Variants in JAK2 observed in about 807,000 individuals in gnomAD.
The protein encoded by JAK2 is tyrosine-protein kinase JAK2.
In JAK2, 86 loss-of-function variants were observed where a neutral mutation model predicts 139.3. The observed-to-expected ratio is 0.62, with a 90% CI of 0.52 to 0.74. The LOEUF is 0.74. JAK2 is among the 30% of genes least tolerant of loss of function. The pLI is 0.00. For missense variants in JAK2, 1,421 were observed against 1,360.3 expected (o/e 1.04, Z -0.70); for synonymous variants, 490 against 437.7 (o/e 1.12, Z -1.49).
At chr9:5,079,898 G>T (rs1301725780) in intron 16 of JAK2, among the ~76,000 whole-genome samples, 1 of 152,132 alleles carries the variant, frequency 6.6e-6, no homozygotes, top group East Asian at 1.9e-4. Flanking sequence ...AGACACTATG[G>T]TTTAATGGAA....
intron 16 of JAK2, among the ~76,000 whole-genome samples, chr9:5,078,985 A>G (rs1819494047): frequency 6.6e-6 from 1 of 152,208 alleles, no homozygotes; most frequent in Admixed American, 6.5e-5. Flanking sequence ...CTAGATAATT[A>G]TAACTGAATT....
chr9:5,043,065 T>C (rs1816730841), intron 4 of JAK2, among the ~76,000 whole-genome samples: 1 of 152,204 alleles, frequency 6.6e-6, no homozygotes, highest in East Asian at 1.9e-4. Flanking sequence ...TGGCTTCCTG[T>C]CTCTGTGCTC....
intron 7 of JAK2, 60 bp from the exon 8 acceptor site, chr9:5,055,609 T>C (rs965467600): frequency 7.6e-6 from 10 of 1,320,406 alleles, no homozygotes; most frequent in Non-Finnish European, 1.1e-5. Context: ...TCTTAAGTCT[T>C]GTTTTAAAAT....
intron 19 of JAK2, chr9:5,085,774 T>G (rs976625337): frequency 1.6e-5 from 12 of 754,170 alleles, no homozygotes; most frequent in Middle Eastern, 2.3e-4. Flanking sequence ...CGGGAGTTAT[T>G]ATGATGAATA....
intron 2 of JAK2, among the ~76,000 whole-genome samples, chr9:4,994,542 A>T (rs1587798126): frequency 6.6e-6 from 1 of 152,212 alleles, no homozygotes; most frequent in African/African-American, 2.4e-5. Context: ...TTTTCTATTA[A>T]GGATCATAAA....
chr9:5,089,052 G>T (rs1379843157), intron 19 of JAK2, among the ~76,000 whole-genome samples: 1 of 152,206 alleles, frequency 6.6e-6, no homozygotes, highest in East Asian at 1.9e-4. Flanking sequence ...AGTGACAAAA[G>T]TTTAGGAATC....
intron 2 of JAK2, among the ~76,000 whole-genome samples, chr9:4,989,828 A>G (rs1357080691): frequency 1.3e-5 from 2 of 152,206 alleles, no homozygotes; most frequent in African/African-American, 2.4e-5. Context: ...TGTGTGAAAG[A>G]GTAGTAAGAA....
At chr9:5,065,237 A>G (rs1033459949) in intron 9 of JAK2, among the ~76,000 whole-genome samples, 197 bp downstream of exon 9, 1 of 152,232 alleles carries the variant, frequency 6.6e-6, no homozygotes, top group Non-Finnish European at 1.5e-5. Flanking sequence ...ATCCCAATCT[A>G]TAATATTTAT....
chr9:5,032,227 G>C (rs1382837052), intron 4 of JAK2, among the ~76,000 whole-genome samples: 1 of 152,238 alleles, frequency 6.6e-6, no homozygotes, highest in Non-Finnish European at 1.5e-5. Flanking sequence ...GCCGAGGGTT[G>C]AGTAGGTAAA....
At chr9:5,125,737 T>C (rs1823944309) in intron 23 of JAK2, among the ~76,000 whole-genome samples, 1 of 151,578 alleles carries the variant, frequency 6.6e-6, no homozygotes, top group Non-Finnish European at 1.5e-5. Flanking sequence ...CTTTTCTTAA[T>C]GTGGTTGACT....
At chr9:5,119,619 G>T (rs1823463748) in intron 22 of JAK2, among the ~76,000 whole-genome samples, 1 of 152,000 alleles carries the variant, frequency 6.6e-6, no homozygotes, top group Non-Finnish European at 1.5e-5. Context: ...GTAAAATATG[G>T]CTAAGATTAT....
Position 5,126,429 on chromosome 9 carries a change from G to C in JAK2, c.3274G>C (p.Asp1092His). 2 of 1,607,138 alleles carry C rather than the reference G, an allele frequency of 1.2e-6. No individual in the cohort carries two copies. The highest frequency in any genetic ancestry group is 1.7e-6 in the Non-Finnish European group (2 of 1,174,978). Reference protein sequence around the residue: ...LKNNGRLPRPDGCPDEIYMIM... With the variant: ...LKNNGRLPRPHGCPDEIYMIM... ...GAATAATGGAAGATTACCAAGACCAGATGGATGCCCAGATGAGGTAACAAT... is the reference window on the plus strand; with the variant it reads ...GAATAATGGAAGATTACCAAGACCACATGGATGCCCAGATGAGGTAACAAT... Residue 1092 changes from aspartate to histidine, a missense_variant, in exon 24 of 25, where the codon GAT (aspartate) becomes CAT (histidine). Transcript: ENST00000381652.
chr9:5,071,166 T>C (rs1818928288), intron 12 of JAK2, among the ~76,000 whole-genome samples: 2 of 152,160 alleles, frequency 1.3e-5, no homozygotes, highest in African/African-American at 4.8e-5. Context: ...TCTCCTAATA[T>C]TGTGTGGTGC....
intron 22 of JAK2, among the ~76,000 whole-genome samples, chr9:5,122,186 T>C (rs1254826295): frequency 6.6e-6 from 1 of 152,160 alleles, no homozygotes; most frequent in Admixed American, 6.5e-5. Context: ...ACATTTTTAA[T>C]ATCAGTCTAA....
intron 22 of JAK2, chr9:5,111,340 AG>A: frequency 2.4e-6 from 1 of 424,508 alleles, no homozygotes; most frequent in African/African-American, 2.1e-5. Flanking sequence ...TCAGGCATGA[AG>A]GGGACCTCCC....
At chr9:5,062,369 T>C (rs1430213701) in intron 8 of JAK2, among the ~76,000 whole-genome samples, 2 of 151,804 alleles carry the variant, frequency 1.3e-5, no homozygotes, top group Non-Finnish European at 2.9e-5. Context: ...ACAGGTATAA[T>C]AGTAATAAAG....
chr9:5,073,037 C>T (rs904466882), intron 13 of JAK2, among the ~76,000 whole-genome samples: 36 of 152,246 alleles, frequency 2.4e-4, no homozygotes, highest in African/African-American at 8.7e-4. Context: ...GGGCATCATC[C>T]AGAGATGCTA....
At chr9:5,048,483 G>T (rs949384448) in intron 5 of JAK2, among the ~76,000 whole-genome samples, 28 of 152,192 alleles carry the variant, frequency 1.8e-4, no homozygotes, top group Admixed American at 1.6e-3. Flanking sequence ...CTATTAAAAA[G>T]AATCTACCAA....
intron 2 of JAK2, among the ~76,000 whole-genome samples, chr9:5,008,302 CAT>C (rs1166554331): frequency 2.0e-5 from 3 of 152,238 alleles, no homozygotes; most frequent in East Asian, 3.9e-4. Flanking sequence ...TATGGCCTAA[CAT>C]GTGGTCTACT....
Sources: allele counts gnomAD v4.1 joint callset (sites outside exome capture counted in the v4.1 genomes callset), GRCh38; gene constraint gnomAD v4.1.1; transcripts MANE v1.5; gene names NCBI Gene and HGNC (gene_info 2026-07-23, HGNC 2026-07-21).